The following RBM4 variants were observed in gnomAD, a reference collection of about 807,000 sequenced individuals.
RBM4 encodes RNA-binding protein 4.
A neutral mutation model predicts 29.5 loss-of-function variants in RBM4; 7 were observed. That is an observed-to-expected ratio of 0.24 (90% CI 0.14 to 0.45). The LOEUF (loss-of-function observed/expected upper bound fraction) is 0.45. RBM4 is among the 20% of genes least tolerant of loss of function. The pLI, the probability that RBM4 is intolerant of heterozygous loss-of-function variation, is 1.00. For synonymous variants in RBM4, 220 were observed against 205.4 expected (o/e 1.07, Z -0.61); for missense variants, 387 against 502.3 (o/e 0.77, Z 2.19).
rs1485884851 is a variant in RBM4, at chr11:66,643,714, G to C, written c.677G>C (p.Arg226Pro). The C allele has an allele frequency of 6.2e-7, 1 of 1,614,100 alleles. No homozygotes were observed. ...GALDAYYKRC[R>P]AARSYEAVAA... ...CTCGATGCCTACTACAAGCGCTGCC[G>C]TGCTGCCCGGTCCTATGAGGCAGTG... The change falls in exon 3 of 4, where the codon CGT becomes CCT. Residue 226 changes from arginine to proline, a missense_variant. By Grantham distance (103) the Arg-to-Pro change is moderately radical. Transcript: ENST00000310092. The surrounding 1 kb of genome is among the most constrained non-coding windows in gnomAD (Gnocchi z 6.1).
intron 2 of RBM4, among the ~76,000 whole-genome samples, chr11:66,656,241 A>C (rs1333841147): frequency 6.6e-6 from 1 of 151,998 alleles, no homozygotes; most frequent in Admixed American, 6.6e-5. Context: ...GGTTCACGCC[A>C]TTCTCCCACC....
intron 2 of RBM4, among the ~76,000 whole-genome samples, chr11:66,659,702 G>A (rs1939038116): frequency 6.6e-6 from 1 of 152,058 alleles, no homozygotes; most frequent in Non-Finnish European, 1.5e-5. Context: ...ATTGCTGGTA[G>A]TCATTCTTAC....
At chr11:66,645,123 A>G (rs1290816009) in intron 3 of RBM4, among the ~76,000 whole-genome samples, 2 of 152,140 alleles carry the variant, frequency 1.3e-5, no homozygotes, top group East Asian at 3.9e-4. Flanking sequence ...TGGGCATTTA[A>G]TACTCTTGAG....
rs1351067924 is a variant in RBM4, at chr11:66,646,136, G to A, written c.*118G>A. 1 of 1,532,454 alleles carries A rather than the reference G, an allele frequency of 6.5e-7. No homozygotes were observed. Among genetic ancestry groups the A allele is most frequent in the Non-Finnish European group, 8.7e-7 (1 of 1,145,294 alleles). The allele number at this position is 1,532,454 out of a possible 1,614,324, so 94.9% of individuals were successfully genotyped here. A position where few individuals can be genotyped will look rare whatever the true frequency, so the allele number is the denominator to read the frequency against. On this transcript the variant is annotated 3_prime_UTR_variant, in exon 4 of 4. Coordinates refer to ENST00000310092, the MANE Select transcript of RBM4 (RefSeq NM_002896.4). ...CGGCTCTGTGCGTTCAGTCCCTCAGGAACCGTGGACCTTAATTTACCTTGC... is the reference window on the plus strand; with the variant it reads ...CGGCTCTGTGCGTTCAGTCCCTCAGAAACCGTGGACCTTAATTTACCTTGC...
exon 3 of RBM4, chr11:66,668,338 C>A: frequency 2.9e-6 from 1 of 349,470 alleles, no homozygotes; most frequent in East Asian, 4.7e-5. Context: ...TTCTGTAACC[C>A]AAATATGCTT....
At chr11:66,648,692 A>G (rs1377768537), downstream of RBM4, among the ~76,000 whole-genome samples, 1 of 151,764 alleles carries the variant, frequency 6.6e-6, no homozygotes, top group Non-Finnish European at 1.5e-5. Context: ...CAGGCGCCTT[A>G]ATTGTGGCTA....
intron 2 of RBM4, among the ~76,000 whole-genome samples, chr11:66,660,290 C>G (rs903325037): frequency 6.6e-6 from 1 of 151,698 alleles, no homozygotes; most frequent in Non-Finnish European, 1.5e-5. Context: ...TGCCATTGGA[C>G]CCATTTTGTG....
chr11:66,666,319 G>C, exon 3 of RBM4: 2 of 1,047,780 alleles, frequency 1.9e-6, no homozygotes, highest in Non-Finnish European at 2.3e-6. Context: ...TCTTGGTCTT[G>C]ATCTGTGCCA....
intron 2 of RBM4, chr11:66,665,671 G>A: frequency 1.3e-6 from 2 of 1,515,786 alleles, no homozygotes; most frequent in Non-Finnish European, 8.8e-7. Flanking sequence ...CTGTATTCCG[G>A]GGGGAAAAAA....
downstream of RBM4, among the ~76,000 whole-genome samples, chr11:66,647,780 T>A (rs1480474875): frequency 6.6e-6 from 1 of 152,254 alleles, no homozygotes; most frequent in Non-Finnish European, 1.5e-5. Flanking sequence ...GAGCTTCTAT[T>A]CTGAGGGAGC....
At chr11:66,663,031 G>A (rs1439977431) in intron 2 of RBM4, among the ~76,000 whole-genome samples, 1 of 152,266 alleles carries the variant, frequency 6.6e-6, no homozygotes, top group Middle Eastern at 3.4e-3. Context: ...TCAAGATTAA[G>A]TATAAAATAT....
At chr11:66,662,411 TA>T (rs1939100819) in intron 2 of RBM4, among the ~76,000 whole-genome samples, 1 of 152,198 alleles carries the variant, frequency 6.6e-6, no homozygotes. Flanking sequence ...TTTATTTATT[TA>T]TTTTTTTGAG....
Position 66,644,123 on chromosome 11 carries a change from A to G in RBM4, c.1086A>G (p.Ser362=), listed in dbSNP as rs1427680194. ...REQYADRARY[S]AF ...AGTATGCCGATCGGGCGCGGTACTCAGCCTTTTAAAGCTTGAGGTGAGAGG... is the reference window on the plus strand; with the variant it reads ...AGTATGCCGATCGGGCGCGGTACTCGGCCTTTTAAAGCTTGAGGTGAGAGG... Residue 362 remains serine (S), a synonymous_variant, in exon 3 of 4, where the codon TCA becomes TCG. Transcript: ENST00000310092. 5.6e-6 allele frequency: 9 copies of G among 1,612,058 alleles called. No individual in the cohort carries two copies. The highest frequency in any genetic ancestry group is 7.6e-6 in the Non-Finnish European group (9 of 1,178,830).
At chr11:66,652,860 A>G (rs1938861458) in intron 2 of RBM4, among the ~76,000 whole-genome samples, 1 of 151,962 alleles carries the variant, frequency 6.6e-6, no homozygotes, top group Admixed American at 6.6e-5. Context: ...CCCCACCCGC[A>G]CCCCCACCAA....
Position 66,643,336 on chromosome 11 carries a change from G to A in RBM4, c.413-114G>A. 8.6e-7 allele frequency: 1 copy of A among 1,156,424 alleles called. No individual in the cohort carries two copies. The highest frequency in any genetic ancestry group is 2.0e-5 in the South Asian group (1 of 49,740). 71.6% of individuals were successfully genotyped at this position (1,156,424 alleles called of 1,614,324 possible). On this transcript the variant is annotated intron_variant, in intron 2 of 3. Transcript: ENST00000310092. This position sits in a 1 kb window ranked among gnomAD's most constrained non-coding sequence, Gnocchi z 6.1. ...TTCCTTTTTATCTTTTCCTAAAGATGAGTCCTGCATTAGAATTGTCTAGAT... is the reference window on the plus strand; with the variant it reads ...TTCCTTTTTATCTTTTCCTAAAGATAAGTCCTGCATTAGAATTGTCTAGAT...
intron 2 of RBM4, chr11:66,665,030 A>T (rs992350000): frequency 2.0e-5 from 3 of 152,396 alleles, no homozygotes; most frequent in African/African-American, 4.8e-5. Context: ...TTGTCAAAAA[A>T]TTTTTTTAAA....
chr11:66,640,233 G>C, intron 2 of RBM4, 110 bp downstream of exon 2: 2 of 1,436,442 alleles, frequency 1.4e-6, no homozygotes, highest in Non-Finnish European at 1.9e-6. Flanking sequence ...GCTGGCTGGT[G>C]ATGAAGAAAT....
At chr11:66,661,986 T>C (rs1183704342) in intron 2 of RBM4, among the ~76,000 whole-genome samples, 1 of 152,156 alleles carries the variant, frequency 6.6e-6, no homozygotes, top group African/African-American at 2.4e-5. Flanking sequence ...GCCGAGATCA[T>C]GCCAGTGCAC....
At chr11:66,665,494 TG>T in intron 2 of RBM4, 1 of 1,027,232 alleles carries the variant, frequency 9.7e-7, no homozygotes, top group Non-Finnish European at 1.5e-6. Flanking sequence ...CATGAAGCAA[TG>T]GAAACATCCC....
Sources: allele counts gnomAD v4.1 joint callset (sites outside exome capture counted in the v4.1 genomes callset), GRCh38; gene constraint gnomAD v4.1.1; non-coding constraint Gnocchi (gnomAD v3.1); transcripts MANE v1.5; gene names NCBI Gene and HGNC (gene_info 2026-07-23, HGNC 2026-07-21).